Variants in ZFAT observed in about 807,000 individuals in gnomAD.
The protein encoded by ZFAT is zinc finger protein ZFAT.
A neutral mutation model predicts 117.7 loss-of-function variants in ZFAT; 64 were observed. The observed-to-expected ratio is 0.54, with a 90% CI of 0.44 to 0.67. ZFAT has a LOEUF of 0.67. ZFAT is among the 30% of genes least tolerant of loss of function. The pLI, the probability that ZFAT is intolerant of heterozygous loss-of-function variation, is 0.00. For synonymous variants in ZFAT, 679 were observed against 615.0 expected, an observed-to-expected ratio of 1.10 and a Z score of -1.54; for missense variants, 1,433 against 1,584.5, an observed-to-expected ratio of 0.90 and a Z score of 1.62.
At chr8:134,586,285 A>G (rs1204322224) in intron 9 of ZFAT, among the ~76,000 whole-genome samples, 1 of 152,254 alleles carries the variant, frequency 6.6e-6, no homozygotes, top group African/African-American at 2.4e-5. Context: ...CATCATCACA[A>G]GTCTTTACTT....
chr8:134,699,824 T>C (rs4909609), intron 1 of ZFAT, among the ~76,000 whole-genome samples: 55,713 of 152,048 alleles, frequency 0.37, 10,257 homozygotes, highest in East Asian at 0.4. Context: ...ATAACCTCTC[T>C]GGTGGTTAAG....
At chr8:134,776,266 T>C in the ZFAT span, among the ~76,000 whole-genome samples, 1 of 152,182 alleles carries the variant, frequency 6.6e-6, no homozygotes, top group East Asian at 1.9e-4. Context: ...TCCTATTCTA[T>C]TATTTTACTT....
chr8:134,742,543 C>T, the ZFAT span, among the ~76,000 whole-genome samples: 1 of 152,326 alleles, frequency 6.6e-6, no homozygotes, highest in East Asian at 1.9e-4. Flanking sequence ...ATCCTCTGAT[C>T]AGATTCCTGA....
At chr8:134,709,005 G>A (rs577016669) in intron 1 of ZFAT, among the ~76,000 whole-genome samples, 14 of 152,024 alleles carry the variant, frequency 9.2e-5, no homozygotes, top group South Asian at 4.2e-4. Flanking sequence ...AAAATTACTC[G>A]GCTGGGCACA....
chr8:134,603,053 G>T, intron 5 of ZFAT, 120 bp from the exon 6 acceptor site: 1 of 1,357,776 alleles, frequency 7.4e-7, no homozygotes, highest in Non-Finnish European at 1.0e-6. Flanking sequence ...GACAGACGCT[G>T]GATGGGTGCA....
chr8:134,721,329 C>G, the ZFAT span, among the ~76,000 whole-genome samples: 2 of 152,188 alleles, frequency 1.3e-5, no homozygotes, highest in Non-Finnish European at 2.9e-5. Context: ...CTACCAGTGC[C>G]AACTGCTGCA....
Position 134,654,025 on chromosome 8 carries a change from G to A in ZFAT, c.196+3536C>T, listed in dbSNP as rs189572113. Among the ~76,000 whole-genome samples the A allele has an allele frequency of 2.3e-3, 355 of 152,190 alleles. 1 individual carries two copies. The highest frequency in any genetic ancestry group is 8.2e-3 in the African/African-American group (342 of 41,530). On this transcript the variant is annotated intron_variant, in intron 2 of 15. Coordinates refer to ENST00000377838, the MANE Select transcript of ZFAT (RefSeq NM_020863.4). ...ACAGCAAGATTTCAGGGCCAGGCAC[G>A]GGGGCTCATGCCTGTAATCTCAGTA...
intron 11 of ZFAT, among the ~76,000 whole-genome samples, chr8:134,563,370 G>A (rs117033138): frequency 6.6e-6 from 1 of 152,330 alleles, no homozygotes; most frequent in East Asian, 1.9e-4. Context: ...AGGAGTGAAA[G>A]GATGAAGTCC....
the ZFAT span, among the ~76,000 whole-genome samples, chr8:134,812,131 C>T: frequency 1.3e-5 from 2 of 151,898 alleles, no homozygotes; most frequent in African/African-American, 4.8e-5. Context: ...GCGACAAGAG[C>T]AAGACTCTGT....
chr8:134,712,111 G>A (rs551572243), intron 1 of ZFAT, among the ~76,000 whole-genome samples: 7 of 152,328 alleles, frequency 4.6e-5, no homozygotes, highest in Non-Finnish European at 1.0e-4. Context: ...AGAAGATGGA[G>A]GTACAAGTCA....
chr8:134,600,410 G>A (rs1488382836), intron 7 of ZFAT, 26 bp downstream of exon 7: 7 of 1,599,582 alleles, frequency 4.4e-6, no homozygotes, highest in Non-Finnish European at 6.0e-6. Context: ...GGGGAGACGG[G>A]GCTGCCGCTT....
chr8:134,653,760 C>T (rs1004862088), intron 2 of ZFAT, among the ~76,000 whole-genome samples: 3 of 152,060 alleles, frequency 2.0e-5, no homozygotes, highest in Admixed American at 6.5e-5. Flanking sequence ...GGAGACATGT[C>T]GGTACTGAAA....
At chr8:134,603,016 C>T (rs1586797550) in intron 5 of ZFAT, 83 bp from the exon 6 acceptor site, 7 of 1,526,224 alleles carry the variant, frequency 4.6e-6, no homozygotes, top group East Asian at 2.3e-5. Context: ...GAACCAAACA[C>T]TAAAGGCTGA....
chr8:134,696,062 C>T (rs984815203), intron 1 of ZFAT, among the ~76,000 whole-genome samples: 4 of 152,008 alleles, frequency 2.6e-5, no homozygotes, highest in Non-Finnish European at 2.9e-5. Context: ...GCCCTGCCTG[C>T]GTCTCTAACT....
intron 1 of ZFAT, among the ~76,000 whole-genome samples, chr8:134,672,171 C>T (rs1420574799): frequency 6.6e-6 from 1 of 152,192 alleles, no homozygotes; most frequent in Admixed American, 6.5e-5. Flanking sequence ...TGAAAATGGC[C>T]ATACTGCCCA....
At chr8:134,562,216 G>T (rs930726391) in intron 11 of ZFAT, among the ~76,000 whole-genome samples, 2 of 152,294 alleles carry the variant, frequency 1.3e-5, no homozygotes, top group African/African-American at 4.8e-5. Flanking sequence ...AGCCAGAAAT[G>T]CAAGGAAGTG....
At chr8:134,740,930 A>G in the ZFAT span, among the ~76,000 whole-genome samples, 1 of 152,198 alleles carries the variant, frequency 6.6e-6, no homozygotes, top group Non-Finnish European at 1.5e-5. Context: ...ACCACTTTGA[A>G]TATGTTTTTG....
chr8:134,483,083 GT>G (rs1563757786), intron 15 of ZFAT, among the ~76,000 whole-genome samples: 1 of 152,186 alleles, frequency 6.6e-6, no homozygotes, highest in Non-Finnish European at 1.5e-5. Flanking sequence ...CACCCCCTTT[GT>G]GCATTTCATG....
Position 134,601,518 on chromosome 8 carries a change from C to T in ZFAT, c.2201G>A (p.Arg734Gln), listed in dbSNP as rs773288481. Residue 734 changes from arginine to glutamine, a missense_variant, in exon 6 of 16, where the codon CGG (arginine) becomes CAG (glutamine). Transcript: ENST00000377838. ...CAGGTCTCCATAAACCTTCCGGATC[C>T]GCTCACACAAGCTGGTGTTCATTTG... is the stretch of plus-strand genomic sequence containing the variant. ...KKQMNTSLCERIRKVYGDLEC... is the reference protein window; with the variant it reads ...KKQMNTSLCEQIRKVYGDLEC... 4.5e-5 allele frequency: 72 copies of T among 1,613,930 alleles called. No homozygotes were observed. The highest frequency in any genetic ancestry group is 6.7e-5 in the East Asian group (3 of 44,894).
Sources: allele counts gnomAD v4.1 joint callset (sites outside exome capture counted in the v4.1 genomes callset), GRCh38; gene constraint gnomAD v4.1.1; transcripts MANE v1.5; gene names NCBI Gene and HGNC (gene_info 2026-07-23, HGNC 2026-07-21).